The following DGKI variants were observed in gnomAD, a reference collection of about 807,000 sequenced individuals.
DGKI encodes diacylglycerol kinase iota, also known as DAG kinase iota.
A neutral mutation model predicts 147.5 loss-of-function variants in DGKI; 55 were observed. That is an observed-to-expected ratio of 0.37 (90% confidence interval 0.30 to 0.47). The LOEUF is 0.47. Ranked by LOEUF, DGKI falls within the 20% of genes least tolerant of loss-of-function variation. DGKI has a pLI of 1.00. For missense variants in DGKI, 1,007 were observed against 1,323.8 expected, an observed-to-expected ratio of 0.76 and a Z score of 3.71; for synonymous variants, 469 against 477.1, an observed-to-expected ratio of 0.98 and a Z score of 0.22.
intron 1 of DGKI, among the ~76,000 whole-genome samples, chr7:137,762,016 T>G (rs1795869794): frequency 1.3e-5 from 2 of 152,178 alleles, no homozygotes; most frequent in African/African-American, 4.8e-5. Flanking sequence ...CACTTCAGTC[T>G]CTCTCAAGCC....
intron 20 of DGKI, among the ~76,000 whole-genome samples, chr7:137,533,797 AT>A (rs1817424411): frequency 6.6e-6 from 1 of 151,854 alleles, no homozygotes; most frequent in Non-Finnish European, 1.5e-5. Flanking sequence ...CTTTCATTTT[AT>A]TTTATTTATC....
At chr7:137,545,325 C>T (rs1487003799) in intron 20 of DGKI, among the ~76,000 whole-genome samples, 2 of 152,094 alleles carry the variant, frequency 1.3e-5, no homozygotes, top group East Asian at 1.9e-4. Context: ...AGCTGAAATG[C>T]TAAAAAACAT....
At chr7:137,721,379 C>T (rs1043535557) in intron 1 of DGKI, among the ~76,000 whole-genome samples, 1 of 152,166 alleles carries the variant, frequency 6.6e-6, no homozygotes, top group African/African-American at 2.4e-5. Context: ...CTTCTACCTG[C>T]CATCCTAAGC....
intron 1 of DGKI, among the ~76,000 whole-genome samples, chr7:137,819,056 T>C (rs1461303471): frequency 6.6e-6 from 1 of 152,132 alleles, no homozygotes. Context: ...CTTCGACAGA[T>C]TAAGTGCTTT....
intron 1 of DGKI, among the ~76,000 whole-genome samples, chr7:137,739,441 C>T (rs1472846001): frequency 1.3e-5 from 2 of 152,146 alleles, no homozygotes; most frequent in African/African-American, 4.8e-5. Flanking sequence ...ACCTAGGCTT[C>T]CCTGGCTCTT....
rs1363848547 is a variant in DGKI, at chr7:137,638,533, C to CACAT, written c.804+6938_804+6939insATGT. On this transcript the variant is annotated intron_variant, in intron 6 of 32. Coordinates refer to ENST00000614521, the MANE Select transcript of DGKI (RefSeq NM_001321708.2). ...ATATGTGTGTATATATATACACACA[C>CACAT]ATATATGTATATATATGTGTGTATA... Among the ~76,000 whole-genome samples the CACAT allele has an allele frequency of 2.8e-4, 16 of 56,238 alleles. 2 individuals are homozygous for CACAT. The highest frequency in any genetic ancestry group is 1.3e-3 in the African/African-American group (15 of 11,998). The allele number at this position is 56,238 out of a possible 152,430, so 36.9% of individuals were successfully genotyped here. A position where few individuals can be genotyped will look rare whatever the true frequency, so the allele number is the denominator to read the frequency against.
intron 1 of DGKI, chr7:137,771,858 C>A (rs997356067): frequency 6.6e-6 from 1 of 152,120 alleles, no homozygotes; most frequent in African/African-American, 2.4e-5. Context: ...TGGGAAATAC[C>A]TTCTAATAAG....
intron 21 of DGKI, among the ~76,000 whole-genome samples, chr7:137,505,711 C>CAAAA (rs34646057): frequency 1.6e-5 from 1 of 61,696 alleles, no homozygotes; most frequent in Admixed American, 1.8e-4. Context: ...ATAAGAGATG[C>CAAAA]AAAAAAAAAA....
At chr7:137,489,407 T>C (rs547877175) in intron 21 of DGKI, among the ~76,000 whole-genome samples, 1 of 152,240 alleles carries the variant, frequency 6.6e-6, no homozygotes, top group African/African-American at 2.4e-5. Flanking sequence ...GTAATAATCA[T>C]TCTAAAAGAA....
chr7:137,633,071 G>C (rs1181946609), intron 6 of DGKI, among the ~76,000 whole-genome samples: 1 of 152,042 alleles, frequency 6.6e-6, no homozygotes, highest in African/African-American at 2.4e-5. Flanking sequence ...AATTACTCGG[G>C]CGTGGTGACG....
At chr7:137,800,931 T>G (rs1190324012) in intron 1 of DGKI, among the ~76,000 whole-genome samples, 1 of 152,218 alleles carries the variant, frequency 6.6e-6, no homozygotes, top group African/African-American at 2.4e-5. Flanking sequence ...CACCATTCTG[T>G]AGAATAAGAA....
intron 15 of DGKI, among the ~76,000 whole-genome samples, chr7:137,579,920 G>A (rs560170551): frequency 6.6e-6 from 1 of 152,142 alleles, no homozygotes; most frequent in East Asian, 1.9e-4. Context: ...TAAAATAAAA[G>A]AGAAAAATCA....
chr7:137,553,346 G>T (rs896111780), intron 19 of DGKI, among the ~76,000 whole-genome samples: 3 of 152,100 alleles, frequency 2.0e-5, no homozygotes, highest in African/African-American at 7.2e-5. Context: ...ACTTCCACAA[G>T]CTATCTCTAA....
At chr7:137,496,245 C>A (rs1298250662) in intron 21 of DGKI, among the ~76,000 whole-genome samples, 1 of 151,998 alleles carries the variant, frequency 6.6e-6, no homozygotes, top group East Asian at 1.9e-4. Flanking sequence ...AGGAATACAG[C>A]TAACCAGGGA....
At position 137,717,939 on chromosome 7, in the gene DGKI, C is replaced by G. The variant is rs73152518; in HGVS notation, c.402-27937G>C. 9.2e-3 allele frequency among the ~76,000 whole-genome samples: 1,407 copies of G among 152,266 alleles called. 10 individuals carry two copies. Among genetic ancestry groups the G allele is most frequent in the Middle Eastern group, 0.017 (5 of 294 alleles). ...TCCTTGTTGCAAATTACACAACCCA[C>G]CCAGCGGAAGGAGCTATCATGAGAC... On this transcript the variant is annotated intron_variant, in intron 1 of 32. Coordinates refer to ENST00000614521, the MANE Select transcript of DGKI (RefSeq NM_001321708.2).
At chr7:137,768,167 G>A (rs1451923350) in intron 1 of DGKI, among the ~76,000 whole-genome samples, 3 of 152,136 alleles carry the variant, frequency 2.0e-5, no homozygotes, top group African/African-American at 4.8e-5. Flanking sequence ...GAAAGATGAT[G>A]GTATTAGGTC....
chr7:137,797,672 A>G (rs959097039), intron 1 of DGKI, among the ~76,000 whole-genome samples: 2 of 152,152 alleles, frequency 1.3e-5, no homozygotes, highest in Non-Finnish European at 2.9e-5. Flanking sequence ...TAACTCAAAA[A>G]TAGGTGGAAG....
At chr7:137,408,474 A>G (rs969280587) in intron 29 of DGKI, among the ~76,000 whole-genome samples, 1 of 152,176 alleles carries the variant, frequency 6.6e-6, no homozygotes, top group Non-Finnish European at 1.5e-5. Flanking sequence ...CAAATATCAA[A>G]GCTGCTTCTT....
At chr7:137,831,535 T>A (rs530198079) in intron 1 of DGKI, among the ~76,000 whole-genome samples, 2 of 152,214 alleles carry the variant, frequency 1.3e-5, no homozygotes, top group Admixed American at 6.5e-5. Flanking sequence ...TTTACTATTA[T>A]GAGAACAGCA....
Sources: gnomAD v4.1 joint callset for allele counts (sites outside exome capture counted in the v4.1 genomes callset) on GRCh38, gnomAD v4.1.1 for gene constraint, MANE v1.5 for transcripts, NCBI Gene and HGNC (gene_info 2026-07-23, HGNC 2026-07-21) for gene names.